Variants in CNTNAP2 observed in about 807,000 individuals in gnomAD.
The protein encoded by CNTNAP2 is contactin-associated protein-like 2.
In CNTNAP2, 98 loss-of-function variants were observed where a neutral mutation model predicts 155.2. The ratio of observed to expected loss-of-function variants is 0.63; its 90% confidence interval spans 0.54 to 0.75. The LOEUF (loss-of-function observed/expected upper bound fraction) is 0.75, where lower values mean the gene tolerates loss of function less well. Among genes scored for constraint, CNTNAP2 ranks in the 30% least tolerant of loss-of-function variants. The pLI, the probability that CNTNAP2 is intolerant of heterozygous loss-of-function variation, is 0.00. For synonymous variants in CNTNAP2, 651 were observed against 631.2 expected (o/e 1.03, Z -0.47); for missense variants, 1,727 against 1,688.1 (o/e 1.02, Z -0.40).
chr7:147,935,299 G>T (rs900097064), intron 14 of CNTNAP2, among the ~76,000 whole-genome samples: 10 of 151,976 alleles, frequency 6.6e-5, no homozygotes, highest in African/African-American at 2.2e-4. Flanking sequence ...GCTAATTTTT[G>T]CATTTTTAGT....
At chr7:147,055,800 AAGG>A (rs766524607) in intron 4 of CNTNAP2, among the ~76,000 whole-genome samples, 13 of 152,050 alleles carry the variant, frequency 8.5e-5, no homozygotes, top group Non-Finnish European at 1.8e-4. Context: ...CCCAATACTC[AAGG>A]AGAAGTGGAA....
In CNTNAP2 at chr7:148,383,747, G is replaced by A; in HGVS notation, c.3574G>A (p.Ala1192Thr). 1 of 1,614,152 alleles carries A rather than the reference G, an allele frequency of 6.2e-7. No homozygotes were observed. Among genetic ancestry groups the A allele is most frequent in the Non-Finnish European group, 8.5e-7 (1 of 1,180,032 alleles). Residue 1192 changes from alanine to threonine, a missense_variant, in exon 22 of 24, where the codon GCC (alanine) becomes ACC (threonine). Transcript: ENST00000361727. ...VQFNQIAPLK[A>T]ALRQTNASAH... ...GTTCAACCAGATCGCCCCTCTCAAG[G>A]CCGCCTTGAGGCAGACAAACGCCTC...
chr7:146,692,444 G>A (rs1189027458), intron 1 of CNTNAP2, among the ~76,000 whole-genome samples: 6 of 152,158 alleles, frequency 3.9e-5, no homozygotes, highest in Non-Finnish European at 7.4e-5. Flanking sequence ...AATTGTGGGT[G>A]CTTTCAGCCA....
intron 21 of CNTNAP2, among the ~76,000 whole-genome samples, chr7:148,383,306 G>A (rs888120641): frequency 6.6e-6 from 1 of 151,932 alleles, no homozygotes; most frequent in Non-Finnish European, 1.5e-5. Flanking sequence ...TGTTAAGAGG[G>A]TCAGGGAAGC....
intron 22 of CNTNAP2, among the ~76,000 whole-genome samples, chr7:148,395,712 G>A (rs1021468319): frequency 2.0e-5 from 3 of 151,748 alleles, no homozygotes; most frequent in Non-Finnish European, 4.4e-5. Flanking sequence ...TGTGTAGACG[G>A]GCTGCTTTCT....
intron 12 of CNTNAP2, among the ~76,000 whole-genome samples, chr7:147,577,553 G>A (rs191007948): frequency 6.6e-6 from 1 of 151,904 alleles, no homozygotes; most frequent in Non-Finnish European, 1.5e-5. Flanking sequence ...CCCATGTAAC[G>A]TTTAAAGTCT....
At chr7:147,386,296 T>A (rs189362232) in intron 9 of CNTNAP2, among the ~76,000 whole-genome samples, 1 of 152,198 alleles carries the variant, frequency 6.6e-6, no homozygotes, top group Admixed American at 6.5e-5. Flanking sequence ...TTGTTACTTA[T>A]GCAAATTTCT....
rs181898187 is a variant in CNTNAP2, at chr7:147,204,507, T to C, written c.1348+71998T>C. On this transcript the variant is annotated intron_variant, in intron 8 of 23. Transcript: ENST00000361727. ...TTGGGTCTCAAGATGAGGAACACCA[T>C]GCTATATGAAACAGTGAAATCCATA... 3.4e-3 allele frequency among the ~76,000 whole-genome samples: 517 copies of C among 152,212 alleles called. 5 individuals are homozygous for C. Among genetic ancestry groups the C allele is most frequent in the African/African-American group, 0.011 (468 of 41,572 alleles).
chr7:147,089,375 C>A (rs554948238), intron 4 of CNTNAP2, among the ~76,000 whole-genome samples: 5 of 152,126 alleles, frequency 3.3e-5, no homozygotes, highest in Admixed American at 6.6e-5. Context: ...TGTATAAAAC[C>A]TTTATAAATA....
intron 23 of CNTNAP2, among the ~76,000 whole-genome samples, chr7:148,410,065 A>AAAG (rs1554431810): frequency 1.7e-5 from 1 of 59,168 alleles, no homozygotes; most frequent in African/African-American, 7.8e-5. Context: ...AAAAAAAAAA[A>AAAG]AAAGAAAGAA....
chr7:147,370,362 G>T (rs1029670342), intron 9 of CNTNAP2, among the ~76,000 whole-genome samples: 6 of 152,146 alleles, frequency 3.9e-5, no homozygotes, highest in Admixed American at 2.6e-4. Context: ...GGCAGTCATT[G>T]TCTCTCTGAG....
At chr7:148,296,406 G>T (rs1797284904) in intron 21 of CNTNAP2, among the ~76,000 whole-genome samples, 1 of 151,586 alleles carries the variant, frequency 6.6e-6, no homozygotes, top group East Asian at 1.9e-4. Context: ...AATTATCCAG[G>T]CATAGTGGCA....
intron 13 of CNTNAP2, among the ~76,000 whole-genome samples, chr7:147,690,241 C>T (rs1226960169): frequency 2.0e-5 from 3 of 152,168 alleles, no homozygotes; most frequent in Admixed American, 6.6e-5. Flanking sequence ...TCCCTGTCCA[C>T]CAGGCAAACT....
At chr7:148,320,429 G>A (rs1407283383) in intron 21 of CNTNAP2, among the ~76,000 whole-genome samples, 1 of 124,124 alleles carries the variant, frequency 8.1e-6, no homozygotes, top group Non-Finnish European at 1.6e-5. Flanking sequence ...GGTCACCCAG[G>A]TTGGAGTGCA....
At chr7:147,045,280 G>T (rs1377006777) in intron 4 of CNTNAP2, among the ~76,000 whole-genome samples, 3 of 151,978 alleles carry the variant, frequency 2.0e-5, no homozygotes, top group Non-Finnish European at 4.4e-5. Context: ...AATTTCAAAT[G>T]CCCCCGTTGG....
intron 1 of CNTNAP2, among the ~76,000 whole-genome samples, chr7:146,136,808 C>T (rs1231760253): frequency 1.3e-5 from 2 of 152,126 alleles, no homozygotes; most frequent in Admixed American, 6.6e-5. Context: ...TCCAGCAATT[C>T]GATTTCTACT....
At chr7:147,057,957 T>A (rs1390625669) in intron 4 of CNTNAP2, among the ~76,000 whole-genome samples, 1 of 152,142 alleles carries the variant, frequency 6.6e-6, no homozygotes, top group African/African-American at 2.4e-5. Context: ...AAAATACTAT[T>A]ATGTCACCTC....
At position 146,756,341 on chromosome 7, in the gene CNTNAP2, A is replaced by G. The variant is rs1047918790; in HGVS notation, c.98-17930A>G. 2.6e-5 allele frequency among the ~76,000 whole-genome samples: 4 copies of G among 151,992 alleles called. No individual in the cohort carries two copies. The East Asian group carries it at 5.8e-4, about 22-fold the overall frequency. ...TCCAATTTAAAAAGAATTTTGTGTCATTTCATTGAACTCTCCATTAGCATA... is the reference window on the plus strand; with the variant it reads ...TCCAATTTAAAAAGAATTTTGTGTCGTTTCATTGAACTCTCCATTAGCATA... On this transcript the variant is annotated intron_variant, in intron 1 of 23. Transcript: ENST00000361727.
At chr7:147,403,292 C>A (rs924644713) in intron 10 of CNTNAP2, among the ~76,000 whole-genome samples, 1 of 152,204 alleles carries the variant, frequency 6.6e-6, no homozygotes, top group Non-Finnish European at 1.5e-5. Context: ...ATACATCTTA[C>A]ATATATTGAC....
Sources: allele counts gnomAD v4.1 joint callset (sites outside exome capture counted in the v4.1 genomes callset), GRCh38; gene constraint gnomAD v4.1.1; transcripts MANE v1.5; gene names NCBI Gene and HGNC (gene_info 2026-07-23, HGNC 2026-07-21).